The following PDK1 variants were observed in gnomAD, a reference collection of about 807,000 sequenced individuals.
The protein encoded by PDK1 is [Pyruvate dehydrogenase (acetyl-transferring)] kinase isozyme 1, mitochondrial.
Under a neutral mutation model 54.2 loss-of-function variants are expected in PDK1, and 39 were observed. That is an observed-to-expected ratio of 0.72 (90% CI 0.56 to 0.94). The LOEUF (loss-of-function observed/expected upper bound fraction) is 0.94. Ranked by LOEUF, PDK1 falls within the 40% of genes least tolerant of loss-of-function variation. PDK1 has a pLI of 0.00. For missense variants in PDK1, 552 were observed against 566.0 expected (o/e 0.98, Z 0.25); for synonymous variants, 221 against 207.1 (o/e 1.07, Z -0.58).
chr2:172,680,595 A>G, the PDK1 span, among the ~76,000 whole-genome samples: 143 of 152,170 alleles, frequency 9.4e-4, no homozygotes, highest in Non-Finnish European at 1.5e-4. Flanking sequence ...CTTGAACTCC[A>G]GGCTTCAAGC....
chr2:172,697,237 A>T, the PDK1 span, among the ~76,000 whole-genome samples: 1 of 152,132 alleles, frequency 6.6e-6, no homozygotes, highest in Non-Finnish European at 1.5e-5. Context: ...TAAGTCAAGA[A>T]ATAATTCTGT....
At chr2:172,555,830 C>G (rs933236832), upstream of PDK1, 7 of 251,312 alleles carry the variant, frequency 2.8e-5, no homozygotes, top group Non-Finnish European at 5.3e-5. Flanking sequence ...CACGCTCACC[C>G]CACACCTCGC....
chr2:172,700,505 T>C, the PDK1 span, among the ~76,000 whole-genome samples: 2 of 143,580 alleles, frequency 1.4e-5, no homozygotes, highest in African/African-American at 5.3e-5. Flanking sequence ...GAAGAGGTGC[T>C]CCTCACTTCC....
chr2:172,673,671 C>A, the PDK1 span, among the ~76,000 whole-genome samples: 22 of 152,152 alleles, frequency 1.4e-4, no homozygotes, highest in African/African-American at 5.1e-4. Flanking sequence ...TAAAACCCAT[C>A]AGTTTAACAG....
intron 9 of PDK1, among the ~76,000 whole-genome samples, chr2:172,592,455 TTCTC>T (rs778698828): frequency 6.6e-6 from 1 of 151,792 alleles, no homozygotes; most frequent in Non-Finnish European, 1.5e-5. Flanking sequence ...CTTTCTTTCT[TTCTC>T]TCTGACTCCC....
chr2:172,591,334 C>T (rs778926947), intron 9 of PDK1, among the ~76,000 whole-genome samples: 2 of 152,118 alleles, frequency 1.3e-5, no homozygotes, highest in South Asian at 2.1e-4. Context: ...CTGTAAACGC[C>T]GGGCGGCATC....
chr2:172,569,639 G>T (rs1483507293), intron 7 of PDK1, among the ~76,000 whole-genome samples: 2 of 152,164 alleles, frequency 1.3e-5, no homozygotes, highest in Non-Finnish European at 2.9e-5. Context: ...GAATATCTTA[G>T]AACAGCAGCA....
the PDK1 span, among the ~76,000 whole-genome samples, chr2:172,661,089 G>A: frequency 6.6e-6 from 1 of 152,184 alleles, no homozygotes; most frequent in Non-Finnish European, 1.5e-5. Flanking sequence ...AGGTGAGGAA[G>A]TGAAATTGAC....
At chr2:172,628,599 G>A in the PDK1 span, among the ~76,000 whole-genome samples, 5,044 of 151,700 alleles carry the variant, frequency 0.033, 130 homozygotes, top group Admixed American at 0.088. Context: ...ACTATTTCTG[G>A]GTGAGTTGAT....
intron 2 of PDK1, among the ~76,000 whole-genome samples, chr2:172,560,462 C>T (rs1390839555): frequency 1.3e-5 from 2 of 152,218 alleles, no homozygotes; most frequent in East Asian, 3.8e-4. Context: ...GCCACCGCAC[C>T]TGGCAGGTTA....
chr2:172,571,523 C>A (rs185526730), intron 8 of PDK1, among the ~76,000 whole-genome samples: 2 of 152,086 alleles, frequency 1.3e-5, no homozygotes, highest in African/African-American at 2.4e-5. Flanking sequence ...GGCATGCAAG[C>A]CTGGCTAATT....
intron 2 of PDK1, among the ~76,000 whole-genome samples, 159 bp from the exon 3 acceptor site, chr2:172,562,061 A>G (rs1054952246): frequency 3.3e-5 from 5 of 152,238 alleles, no homozygotes; most frequent in African/African-American, 1.2e-4. Context: ...ACTTTGCTTG[A>G]ATGTGCATGG....
At chr2:172,622,628 A>T in the PDK1 span, among the ~76,000 whole-genome samples, 1 of 145,456 alleles carries the variant, frequency 6.9e-6, no homozygotes, top group South Asian at 2.2e-4. Flanking sequence ...TGTTTATCTC[A>T]TTATGTGAGA....
At chr2:172,650,189 T>C in the PDK1 span, among the ~76,000 whole-genome samples, 1 of 152,230 alleles carries the variant, frequency 6.6e-6, no homozygotes, top group East Asian at 1.9e-4. Flanking sequence ...ATATTCAACA[T>C]TCTTAAAGAA....
chr2:172,559,572 G>A (rs1688546323), intron 2 of PDK1, among the ~76,000 whole-genome samples: 1 of 152,016 alleles, frequency 6.6e-6, no homozygotes, highest in African/African-American at 2.4e-5. Context: ...TTTTGAAATG[G>A]AATCTTGCTC....
At chr2:172,570,523 G>C (rs1383873298) in intron 7 of PDK1, 3 of 402,124 alleles carry the variant, frequency 7.5e-6, no homozygotes, top group Non-Finnish European at 1.3e-5. Flanking sequence ...AATTTAGTTG[G>C]AGTCTTTAGG....
the PDK1 span, among the ~76,000 whole-genome samples, chr2:172,702,110 T>C: frequency 1.4e-4 from 22 of 152,308 alleles, no homozygotes; most frequent in Admixed American, 2.6e-4. Flanking sequence ...AGGACTGGGA[T>C]GACTCAAAGA....
chr2:172,696,199 A>G, the PDK1 span, among the ~76,000 whole-genome samples: 113 of 151,788 alleles, frequency 7.4e-4, 1 homozygote, highest in South Asian at 0.011. Context: ...GAAAAAAAAA[A>G]GCTTAGGAGA....
At chr2:172,594,183 G>A (rs1000950924) in intron 10 of PDK1, among the ~76,000 whole-genome samples, 10 of 151,746 alleles carry the variant, frequency 6.6e-5, no homozygotes, top group South Asian at 2.1e-4. Flanking sequence ...GATTACAGGC[G>A]CCTGACTAAT....
Sources: gnomAD v4.1 joint callset for allele counts (sites outside exome capture counted in the v4.1 genomes callset) on GRCh38, gnomAD v4.1.1 for gene constraint, MANE v1.5 for transcripts, NCBI Gene and HGNC (gene_info 2026-07-23, HGNC 2026-07-21) for gene names.